BCAS3: variants seen among roughly 807,000 people sequenced by gnomAD.
BCAS3 encodes the protein BCAS4/BCAS3 fusion.
Under a neutral mutation model 116.1 loss-of-function variants are expected in BCAS3, and 53 were observed. The observed-to-expected ratio is 0.46, with a 90% confidence interval of 0.37 to 0.57. The LOEUF (loss-of-function observed/expected upper bound fraction) is 0.57, where lower values mean the gene tolerates loss of function less well. Among genes scored for constraint, BCAS3 ranks in the 20% least tolerant of loss-of-function variants. BCAS3 has a pLI of 0.00. For missense variants in BCAS3, 917 were observed against 1,165.4 expected (o/e 0.79, Z 3.10); for synonymous variants, 391 against 408.2 (o/e 0.96, Z 0.51).
intron 5 of BCAS3, among the ~76,000 whole-genome samples, chr17:60,715,131 T>G (rs891539287): frequency 1.1e-4 from 15 of 141,170 alleles, no homozygotes; most frequent in African/African-American, 3.4e-4. Context: ...TCTTTCTCTT[T>G]CTTTTTTTTT....
intron 22 of BCAS3, among the ~76,000 whole-genome samples, chr17:61,138,042 A>G (rs1300503617): frequency 1.3e-5 from 2 of 152,174 alleles, no homozygotes; most frequent in African/African-American, 4.8e-5. Context: ...CATCTTTCAG[A>G]TAGAACCTAG....
rs141512312 is a variant in BCAS3, at chr17:61,343,590, G to A, written c.2426-24737G>A. On this transcript the variant is annotated intron_variant, in intron 22 of 23. Coordinates refer to ENST00000407086, the MANE Select transcript of BCAS3 (RefSeq NM_017679.5). This position sits in a 1 kb window ranked among gnomAD's most constrained non-coding sequence, Gnocchi z 5.5. ...GAGGCCCCTTGGAGAAGTACTGGTT[G>A]AGGAAGCGTATGCAGAGGTTTGAGC... Among the ~76,000 whole-genome samples the A allele has an allele frequency of 3.0e-4, 46 of 152,314 alleles. No homozygotes were observed. Among genetic ancestry groups the A allele is most frequent in the African/African-American group, 1.1e-3 (46 of 41,568 alleles).
At chr17:60,927,827 C>T (rs2059441895) in intron 13 of BCAS3, among the ~76,000 whole-genome samples, 1 of 151,928 alleles carries the variant, frequency 6.6e-6, no homozygotes, top group African/African-American at 2.4e-5. Flanking sequence ...CTAAATATTG[C>T]TTATGCTTCA....
chr17:60,816,157 C>A (rs1187101329), intron 7 of BCAS3, among the ~76,000 whole-genome samples: 1 of 152,148 alleles, frequency 6.6e-6, no homozygotes, highest in Non-Finnish European at 1.5e-5. Flanking sequence ...TTATTGAACA[C>A]CCATGTAGTT....
chr17:60,698,732 T>C (rs1366253724), intron 4 of BCAS3, among the ~76,000 whole-genome samples: 1 of 152,060 alleles, frequency 6.6e-6, no homozygotes, highest in African/African-American at 2.4e-5. Context: ...TTGCCAATGA[T>C]AAAATGAAGT....
intron 6 of BCAS3, among the ~76,000 whole-genome samples, chr17:60,759,327 T>C (rs1381559340): frequency 6.6e-6 from 1 of 152,232 alleles, no homozygotes; most frequent in African/African-American, 2.4e-5. Context: ...TAAAGAAAAT[T>C]CGCAGAGTGT....
intron 22 of BCAS3, among the ~76,000 whole-genome samples, chr17:61,147,986 C>A (rs62082943): frequency 1.2e-4 from 18 of 148,804 alleles, no homozygotes; most frequent in Non-Finnish European, 6.0e-5. Context: ...AACTCTGTCT[C>A]AGAAAAAAAA....
At position 61,244,867 on chromosome 17, in the gene BCAS3, AAAAT is replaced by A. The variant is rs1055486296; in HGVS notation, c.2426-123448_2426-123445del. On this transcript the variant is annotated intron_variant, in intron 22 of 23. Coordinates refer to ENST00000407086, the MANE Select transcript of BCAS3 (RefSeq NM_017679.5). The surrounding 1 kb of genome is among the most constrained non-coding windows in gnomAD (Gnocchi z 4.9). ...AACAGAGTGAGACTCCGTCTCAAAA[AAAAT>A]AAATAAATAAAAAAGGATATATAGG... 9.2e-5 allele frequency among the ~76,000 whole-genome samples: 14 copies of A among 152,294 alleles called. No individual in the cohort carries two copies. Among genetic ancestry groups the A allele is most frequent in the Admixed American group, 7.2e-4 (11 of 15,304 alleles).
chr17:60,764,699 A>C (rs1017545403), intron 6 of BCAS3, among the ~76,000 whole-genome samples: 4 of 152,138 alleles, frequency 2.6e-5, no homozygotes, highest in Non-Finnish European at 5.9e-5. Flanking sequence ...ATTTCTGTAG[A>C]TGTCTATTAG....
chr17:60,830,148 C>A (rs140722876), intron 7 of BCAS3, among the ~76,000 whole-genome samples: 22 of 152,130 alleles, frequency 1.4e-4, no homozygotes, highest in African/African-American at 4.6e-4. Context: ...AATACCACCA[C>A]GCCCGGCTAA....
chr17:60,976,237 G>A (rs2145372506), intron 14 of BCAS3, among the ~76,000 whole-genome samples: 1 of 150,930 alleles, frequency 6.6e-6, no homozygotes, highest in South Asian at 2.1e-4. Flanking sequence ...TGTTAGCCAG[G>A]ATGGTCTCAA....
chr17:61,322,856 C>CAGAGAGAG (rs149772722), intron 22 of BCAS3, among the ~76,000 whole-genome samples: 31 of 60,492 alleles, frequency 5.1e-4, no homozygotes, highest in African/African-American at 1.9e-3. Flanking sequence ...GAGAGAGAGA[C>CAGAGAGAG]AGAGAGAGAG....
rs11332478 is a variant in BCAS3 at position 61,295,954 on chromosome 17, C to CA, written c.2426-72356dup. Among the ~76,000 whole-genome samples the CA allele has an allele frequency of 9.9e-3, 786 of 79,730 alleles. 8 individuals are homozygous for CA. The highest frequency in any genetic ancestry group is 0.021 in the Middle Eastern group (3 of 142). 52.3% of individuals were successfully genotyped at this position (79,730 alleles called of 152,430 possible). ...TGGGCAACAGAGCAAGACTCCGTCT[C>CA]AAAAAAAAAAAAAAAAAGAAAGAAA... On this transcript the variant is annotated intron_variant, in intron 22 of 23. Coordinates refer to ENST00000407086, the MANE Select transcript of BCAS3 (RefSeq NM_017679.5).
At position 61,379,774 on chromosome 17, in the gene BCAS3, C is replaced by T. The variant is rs2059516214; in HGVS notation, c.2593+11280C>T. 1 of 152,592 alleles carries T rather than the reference C, an allele frequency of 6.6e-6. No homozygotes were observed. The highest frequency in any genetic ancestry group is 1.5e-5 in the Non-Finnish European group (1 of 68,382). 9.5% of individuals were successfully genotyped at this position (152,592 alleles called of 1,614,324 possible). A position where few individuals can be genotyped will look rare whatever the true frequency, so the allele number is the denominator to read the frequency against. On this transcript the variant is annotated intron_variant, in intron 23 of 23. Transcript: ENST00000407086. This position sits in a 1 kb window ranked among gnomAD's most constrained non-coding sequence, Gnocchi z 5.5. Reference sequence around the variant, plus strand: ...TAGCTTGCAGTTCCACCCCTCTGCACCCTTCATTGAGTTTTGGGAGAAGCG... The same window carrying T: ...TAGCTTGCAGTTCCACCCCTCTGCATCCTTCATTGAGTTTTGGGAGAAGCG...
rs370463077 is a variant in BCAS3 at position 60,947,241 on chromosome 17, C to T, written c.1110C>T (p.Asp370=). 9.3e-6 allele frequency: 15 copies of T among 1,612,618 alleles called. No individual in the cohort carries two copies. The Admixed American group carries it at 2.2e-4, about 23-fold the overall frequency. The change falls in exon 14 of 24, where the codon GAC becomes GAT. Residue 370 remains aspartate, a synonymous_variant. Coordinates refer to ENST00000407086, the MANE Select transcript of BCAS3 (RefSeq NM_017679.5). The part of the protein sequence containing the change: ...NTSGMLLVTT[D]TLGHDFHVFQ... Reference sequence around the variant, plus strand: ...CAGGAATGCTTCTAGTCACAACAGACACCCTTGGCCATGACTTTCATGTCT... The same window carrying T: ...CAGGAATGCTTCTAGTCACAACAGATACCCTTGGCCATGACTTTCATGTCT...
In BCAS3 at chr17:61,349,409, C is replaced by T. The variant is rs1215022436; in HGVS notation, c.2426-18918C>T. 6.6e-6 allele frequency among the ~76,000 whole-genome samples: 1 copy of T among 152,156 alleles called. No homozygotes were observed. Among genetic ancestry groups the T allele is most frequent in the African/African-American group, 2.4e-5 (1 of 41,418 alleles). Reference sequence around the variant, plus strand: ...CAGATGTGTGGGATGGAAATGCTAACCCACTGACCGAACAGAGTTTCTGAA... The same window carrying T: ...CAGATGTGTGGGATGGAAATGCTAATCCACTGACCGAACAGAGTTTCTGAA... On this transcript the variant is annotated intron_variant, in intron 22 of 23. Transcript: ENST00000407086. The surrounding 1 kb of genome is among the most constrained non-coding windows in gnomAD (Gnocchi z 4.7).
At chr17:61,011,988 G>GA (rs199638669) in intron 15 of BCAS3, among the ~76,000 whole-genome samples, 4,559 of 151,842 alleles carry the variant, frequency 0.03, 236 homozygotes, top group African/African-American at 0.1. Context: ...TTTTCTACTA[G>GA]AAAAGCAAAA....
At position 61,220,632 on chromosome 17, in the gene BCAS3, G is replaced by A. The variant is rs952820917; in HGVS notation, c.2425+136068G>A. Among the ~76,000 whole-genome samples, 3 of 151,936 alleles carry A rather than the reference G, an allele frequency of 2.0e-5. No individual in the cohort carries two copies. Among genetic ancestry groups the A allele is most frequent in the Non-Finnish European group, 4.4e-5 (3 of 67,982 alleles). On this transcript the variant is annotated intron_variant, in intron 22 of 23. Transcript: ENST00000407086. This position sits in a 1 kb window ranked among gnomAD's most constrained non-coding sequence, Gnocchi z 4.5. Reference sequence around the variant, plus strand: ...ACTACATTGATTTCCCCCCTGTGGCGCCAAAGACAGTTCTTGATCTCTACA... The same window carrying A: ...ACTACATTGATTTCCCCCCTGTGGCACCAAAGACAGTTCTTGATCTCTACA...
chr17:61,320,168 G>T (rs1017062965), intron 22 of BCAS3, among the ~76,000 whole-genome samples: 1 of 151,608 alleles, frequency 6.6e-6, no homozygotes, highest in Non-Finnish European at 1.5e-5. Flanking sequence ...GGGATTACAG[G>T]TGTGAGCCAC....
Sources: gnomAD v4.1 joint callset for allele counts (sites outside exome capture counted in the v4.1 genomes callset) on GRCh38, gnomAD v4.1.1 for gene constraint, Gnocchi (gnomAD v3.1) non-coding constraint, MANE v1.5 for transcripts, NCBI Gene and HGNC (gene_info 2026-07-23, HGNC 2026-07-21) for gene names.